MLIP: variants seen among roughly 807,000 people sequenced by gnomAD.
MLIP encodes muscular LMNA-interacting protein.
A neutral mutation model predicts 84.8 loss-of-function variants in MLIP; 79 were observed. That is an observed-to-expected ratio of 0.93 (90% CI 0.78 to 1.12). The LOEUF (loss-of-function observed/expected upper bound fraction) is 1.12. Ranked by LOEUF, MLIP falls within the 50% of genes most tolerant of loss-of-function variation. The pLI, the probability that MLIP is intolerant of heterozygous loss-of-function variation, is 0.00. For synonymous variants in MLIP, 504 were observed against 463.0 expected, an observed-to-expected ratio of 1.09 and a Z score of -1.14; for missense variants, 1,257 against 1,160.6, an observed-to-expected ratio of 1.08 and a Z score of -1.21.
At chr6:54,128,283 A>G (rs1771093835) in intron 3 of MLIP, among the ~76,000 whole-genome samples, 1 of 152,106 alleles carries the variant, frequency 6.6e-6, no homozygotes, top group African/African-American at 2.4e-5. Flanking sequence ...GAGAAGGGAG[A>G]CTGGAGATAT....
chr6:54,257,226 C>T, intron 12 of MLIP, 82 bp from the exon 13 acceptor site: 1 of 940,876 alleles, frequency 1.1e-6, no homozygotes, highest in Non-Finnish European at 1.7e-6. Flanking sequence ...ATGTCATTGT[C>T]AATCTGTTTA....
chr6:54,052,261 A>G (rs1413249466), intron 1 of MLIP, among the ~76,000 whole-genome samples: 1 of 152,154 alleles, frequency 6.6e-6, no homozygotes, highest in Non-Finnish European at 1.5e-5. Flanking sequence ...CTGGATGGCT[A>G]TAGGACAACT....
At chr6:54,238,095 AC>A (rs1211109058) in intron 12 of MLIP, among the ~76,000 whole-genome samples, 7 of 152,108 alleles carry the variant, frequency 4.6e-5, no homozygotes, top group African/African-American at 1.7e-4. Context: ...CATGTACAAC[AC>A]ACCTGTTTAT....
At chr6:54,257,255 A>AT in intron 12 of MLIP, 53 bp from the exon 13 acceptor site, 3 of 1,292,446 alleles carry the variant, frequency 2.3e-6, no homozygotes, top group African/African-American at 1.5e-5. Flanking sequence ...TTTAACATTT[A>AT]TTTTTTTCTC....
At chr6:54,153,583 C>T (rs528776284) in intron 5 of MLIP, among the ~76,000 whole-genome samples, 2 of 152,170 alleles carry the variant, frequency 1.3e-5, no homozygotes, top group South Asian at 4.2e-4. Context: ...CGTGATGGCT[C>T]ATGCCTGTAA....
intron 10 of MLIP, among the ~76,000 whole-genome samples, chr6:54,195,751 A>G (rs1433592456): frequency 6.6e-6 from 1 of 151,828 alleles, no homozygotes; most frequent in East Asian, 1.9e-4. Context: ...ACTCCCTTGG[A>G]TTTTTTTCTG....
At position 54,202,221 on chromosome 6, in the gene MLIP, C is replaced by G. The variant is rs967149769; in HGVS notation, c.2706C>G (p.Leu902=). The change falls in exon 11 of 14, where the codon CTC becomes CTG. Residue 902 remains leucine, a synonymous_variant. Coordinates refer to ENST00000502396, the MANE Select transcript of MLIP (RefSeq NM_001281747.2). The part of the protein sequence containing the change: ...FSKYLEDNSD[L]FSEQDVTVPP... Reference sequence around the variant, plus strand: ...AATACTTGGAAGATAACAGCGACCTCTTTTCTGAACAGGTGAGCACATACA... The same window carrying G: ...AATACTTGGAAGATAACAGCGACCTGTTTTCTGAACAGGTGAGCACATACA... The G allele has an allele frequency of 1.3e-6, 2 of 1,569,846 alleles. No individual in the cohort carries two copies. The highest frequency in any genetic ancestry group is 4.6e-5 in the East Asian group (2 of 43,024).
chr6:54,133,618 A>G (rs1363173887), intron 3 of MLIP, among the ~76,000 whole-genome samples: 1 of 152,214 alleles, frequency 6.6e-6, no homozygotes, highest in African/African-American at 2.4e-5. Context: ...AAAATTGAAT[A>G]TATATACAGG....
At chr6:54,211,180 C>T (rs778994271) in intron 11 of MLIP, among the ~76,000 whole-genome samples, 19 of 152,114 alleles carry the variant, frequency 1.2e-4, no homozygotes, top group Non-Finnish European at 2.8e-4. Context: ...GAGCCAAGAT[C>T]ACACCATTGC....
intron 1 of MLIP, among the ~76,000 whole-genome samples, chr6:54,033,511 C>T (rs904164268): frequency 3.9e-5 from 6 of 152,056 alleles, no homozygotes; most frequent in South Asian, 2.1e-4. Context: ...GTAATCCACC[C>T]GCCTTGGTCT....
chr6:54,140,499 G>C (rs760773258), intron 4 of MLIP, among the ~76,000 whole-genome samples: 10 of 151,974 alleles, frequency 6.6e-5, no homozygotes, highest in Non-Finnish European at 8.8e-5. Flanking sequence ...TTAACTACCA[G>C]TAAAAATATC....
chr6:54,173,990 T>C lies in MLIP; in HGVS notation c.2544+4418T>C, dbSNP rs183379224. ...ACAAATAAGTGAGAACATGTGTTGT[T>C]TGTCCTTCTGTGCCTGGCTTATTTC... On this transcript the variant is annotated intron_variant, in intron 9 of 13. Coordinates refer to ENST00000502396, the MANE Select transcript of MLIP (RefSeq NM_001281747.2). Among the ~76,000 whole-genome samples the C allele has an allele frequency of 1.2e-4, 18 of 152,100 alleles. No individual in the cohort carries two copies. In the East Asian group the frequency reaches 3.5e-3, roughly 29 times the overall value.
At chr6:54,101,182 CA>C (rs1214174243) in intron 1 of MLIP, among the ~76,000 whole-genome samples, 2 of 151,880 alleles carry the variant, frequency 1.3e-5, no homozygotes, top group African/African-American at 4.8e-5. Context: ...TGATAGTAGA[CA>C]AGGGTCAAGA....
Position 54,160,565 on chromosome 6 carries a change from CCA to C in MLIP, c.2406_2407del (p.Ile803Ter). The C allele has an allele frequency of 2.5e-6, 4 of 1,612,284 alleles. No individual in the cohort carries two copies. Among genetic ancestry groups the C allele is most frequent in the Non-Finnish European group, 3.4e-6 (4 of 1,178,958 alleles). On this transcript the variant is annotated frameshift_variant, in exon 7 of 14. Coordinates refer to ENST00000502396, the MANE Select transcript of MLIP (RefSeq NM_001281747.2). LOFTEE classifies it high-confidence loss of function. ...CAGCAAACTGAAGAGCTCTGTGCTA[CCA>C]TTGATAAGGTCTTACAGGATTCCTT...
intron 12 of MLIP, among the ~76,000 whole-genome samples, chr6:54,239,709 C>T (rs999353700): frequency 2.0e-5 from 3 of 151,608 alleles, no homozygotes; most frequent in East Asian, 1.9e-4. Context: ...ATCACTTGAA[C>T]CCAGGAGGTG....
intron 10 of MLIP, among the ~76,000 whole-genome samples, chr6:54,191,396 A>C (rs16884946): frequency 0.085 from 12,900 of 152,206 alleles, 693 homozygotes; most frequent in East Asian, 0.21. Flanking sequence ...ACTGGTGTTT[A>C]TACATATAGT....
intron 1 of MLIP, among the ~76,000 whole-genome samples, chr6:54,072,776 G>T (rs183744121): frequency 2.0e-5 from 3 of 152,120 alleles, no homozygotes; most frequent in Non-Finnish European, 4.4e-5. Flanking sequence ...CTATCCTTCC[G>T]TCTGTGAATA....
At chr6:54,257,929 A>T (rs1783120858) in intron 13 of MLIP, among the ~76,000 whole-genome samples, 1 of 152,114 alleles carries the variant, frequency 6.6e-6, no homozygotes, top group Non-Finnish European at 1.5e-5. Context: ...AGTAAAAAGT[A>T]AATTCAAACA....
chr6:54,215,440 C>A (rs1779790622), intron 11 of MLIP: 1 of 1,188,726 alleles, frequency 8.4e-7, no homozygotes, highest in Non-Finnish European at 1.1e-6. Context: ...AGTATAATTT[C>A]TTTAAATTTT....
Sources: gnomAD v4.1 joint callset for allele counts (sites outside exome capture counted in the v4.1 genomes callset) on GRCh38, gnomAD v4.1.1 for gene constraint, MANE v1.5 for transcripts, NCBI Gene and HGNC (gene_info 2026-07-23, HGNC 2026-07-21) for gene names.